Variants in MEGF10 observed in about 807,000 individuals in gnomAD.
MEGF10 encodes the protein multiple epidermal growth factor-like domains protein 10.
MEGF10 carries 86 observed loss-of-function variants against 147.5 expected under a neutral mutation model. That is an observed-to-expected ratio of 0.58 (90% confidence interval 0.49 to 0.70). The LOEUF (loss-of-function observed/expected upper bound fraction) is 0.70, where lower values mean the gene tolerates loss of function less well. Among genes scored for constraint, MEGF10 ranks in the 30% least tolerant of loss-of-function variants. The pLI is 0.00. For missense variants in MEGF10, 1,329 were observed against 1,487.3 expected (o/e 0.89, Z 1.75); for synonymous variants, 478 against 525.5 (o/e 0.91, Z 1.24).
the MEGF10 span, among the ~76,000 whole-genome samples, chr5:127,258,954 T>C: frequency 6.6e-6 from 1 of 152,198 alleles, no homozygotes; most frequent in Non-Finnish European, 1.5e-5. Context: ...ATCCATCTTT[T>C]GATCAAGGCG....
At chr5:127,286,990 A>T (rs1478840745), upstream of MEGF10, among the ~76,000 whole-genome samples, 2 of 152,010 alleles carry the variant, frequency 1.3e-5, no homozygotes, top group East Asian at 3.8e-4. Context: ...AATGCAAGGC[A>T]AGTTTAATAA....
intron 5 of MEGF10, among the ~76,000 whole-genome samples, chr5:127,380,418 G>A (rs1489682128): frequency 6.6e-6 from 1 of 152,204 alleles, no homozygotes; most frequent in Non-Finnish European, 1.5e-5. Flanking sequence ...AGGGCGTGAT[G>A]CGAAGTCCTT....
intron 5 of MEGF10, among the ~76,000 whole-genome samples, chr5:127,374,643 T>C (rs865850342): frequency 3.3e-5 from 5 of 152,304 alleles, no homozygotes; most frequent in Middle Eastern, 3.4e-3. Context: ...TTATATTAAA[T>C]TTTTTTCAAA....
At chr5:127,384,849 T>C (rs1763373968) in intron 5 of MEGF10, among the ~76,000 whole-genome samples, 1 of 152,102 alleles carries the variant, frequency 6.6e-6, no homozygotes, top group African/African-American at 2.4e-5. Context: ...CTTTATGAAG[T>C]TGTTTTATTT....
At chr5:127,435,765 GA>G (rs1765534924) in intron 16 of MEGF10, among the ~76,000 whole-genome samples, 1 of 151,586 alleles carries the variant, frequency 6.6e-6, no homozygotes, top group African/African-American at 2.4e-5. Context: ...ATCGTCCATT[GA>G]AATAAAGCAA....
intron 1 of MEGF10, among the ~76,000 whole-genome samples, chr5:127,304,247 C>T (rs866470894): frequency 6.6e-6 from 1 of 152,204 alleles, no homozygotes; most frequent in Non-Finnish European, 1.5e-5. Context: ...CTAGATAATG[C>T]TCCTTCTAGA....
intron 24 of MEGF10, among the ~76,000 whole-genome samples, chr5:127,456,531 A>G (rs1766369698): frequency 6.6e-6 from 1 of 152,226 alleles, no homozygotes; most frequent in Non-Finnish European, 1.5e-5. Flanking sequence ...TACTACTAGT[A>G]ATTTATTTTA....
At chr5:127,308,696 C>T (rs1306263782) in intron 1 of MEGF10, among the ~76,000 whole-genome samples, 1 of 150,250 alleles carries the variant, frequency 6.7e-6, no homozygotes, top group Non-Finnish European at 1.5e-5. Context: ...GGGAACATCA[C>T]ACACCAGAGC....
chr5:127,229,603 G>GGAGGC, the MEGF10 span: 1 of 152,828 alleles, frequency 6.5e-6, no homozygotes. Context: ...CTGCTCGAGG[G>GGAGGC]GAGGCGAGGC....
intron 1 of MEGF10, among the ~76,000 whole-genome samples, chr5:127,311,099 C>G (rs1158496649): frequency 6.6e-6 from 1 of 152,188 alleles, no homozygotes; most frequent in African/African-American, 2.4e-5. Context: ...ATATATTCCT[C>G]TTATTTCTAT....
chr5:127,306,146 G>T (rs1316150413), intron 1 of MEGF10, among the ~76,000 whole-genome samples: 1 of 152,210 alleles, frequency 6.6e-6, no homozygotes, highest in South Asian at 2.1e-4. Context: ...TTCTTGGCCA[G>T]GTTGTGCTAT....
chr5:127,429,127 C>A (rs1259021809), intron 13 of MEGF10, among the ~76,000 whole-genome samples: 1 of 152,216 alleles, frequency 6.6e-6, no homozygotes, highest in African/African-American at 2.4e-5. Flanking sequence ...CCCCTTCCCA[C>A]GTTGCCCCTT....
intron 12 of MEGF10, among the ~76,000 whole-genome samples, chr5:127,422,008 AT>A (rs1167722227): frequency 4.1e-5 from 6 of 148,142 alleles, no homozygotes; most frequent in Admixed American, 3.4e-4. Flanking sequence ...AAAAAAAAAA[AT>A]GACCCTGACC....
the MEGF10 span, among the ~76,000 whole-genome samples, chr5:127,256,600 A>G: frequency 1.3e-5 from 2 of 152,244 alleles, no homozygotes; most frequent in East Asian, 3.9e-4. Context: ...TCTCCCTTGC[A>G]GTGAGACCCT....
chr5:127,254,298 T>G, the MEGF10 span, among the ~76,000 whole-genome samples: 1 of 152,178 alleles, frequency 6.6e-6, no homozygotes, highest in Non-Finnish European at 1.5e-5. Flanking sequence ...TTTAATCTTC[T>G]TTGGTTCTAT....
At chr5:127,249,874 C>G in the MEGF10 span, among the ~76,000 whole-genome samples, 2,512 of 152,130 alleles carry the variant, frequency 0.017, 59 homozygotes, top group East Asian at 0.086. Context: ...ATCTTGAATA[C>G]TGCATCCAAC....
chr5:127,339,044 A>G (rs1167775392), intron 2 of MEGF10, 76 bp from the exon 3 acceptor site: 14 of 850,556 alleles, frequency 1.6e-5, no homozygotes, highest in Non-Finnish European at 5.2e-6. Context: ...TTTAGCTTAC[A>G]AACTTTTAAA....
intron 3 of MEGF10, among the ~76,000 whole-genome samples, chr5:127,340,020 G>A (rs995381925): frequency 2.0e-5 from 3 of 152,146 alleles, no homozygotes; most frequent in African/African-American, 7.2e-5. Context: ...TAAGTTCCTT[G>A]AGAGCAAGGG....
upstream of MEGF10, among the ~76,000 whole-genome samples, chr5:127,287,837 T>A (rs769273217): frequency 6.6e-6 from 1 of 152,134 alleles, no homozygotes; most frequent in South Asian, 2.1e-4. Context: ...TACATCTAAG[T>A]TGGAGTCCTA....
Sources: gnomAD v4.1 joint callset for allele counts (sites outside exome capture counted in the v4.1 genomes callset) on GRCh38, gnomAD v4.1.1 for gene constraint, MANE v1.5 for transcripts, NCBI Gene and HGNC (gene_info 2026-07-23, HGNC 2026-07-21) for gene names.